Variants in NPAS3 observed in about 807,000 individuals in gnomAD.
NPAS3 encodes neuronal PAS domain-containing protein 3.
In NPAS3, 14 loss-of-function variants were observed where a neutral mutation model predicts 73.1. The ratio of observed to expected loss-of-function variants is 0.19; its 90% CI spans 0.13 to 0.30. The LOEUF (loss-of-function observed/expected upper bound fraction) is 0.30. NPAS3 is among the 10% of genes least tolerant of loss of function. The probability of loss-of-function intolerance (pLI) is 1.00; values close to 1 mark genes in which losing one functional copy is unlikely to be tolerated. For missense variants in NPAS3, 1,096 were observed against 1,250.0 expected (o/e 0.88, Z 1.86); for synonymous variants, 620 against 541.5 (o/e 1.14, Z -2.01).
At chr14:33,395,459 A>G (rs1371916762) in intron 4 of NPAS3, among the ~76,000 whole-genome samples, 1 of 152,024 alleles carries the variant, frequency 6.6e-6, no homozygotes, top group African/African-American at 2.4e-5. Context: ...CACTTGGGAT[A>G]CATTTGTTAC....
chr14:33,172,914 G>A (rs1812189090), intron 2 of NPAS3, among the ~76,000 whole-genome samples: 11 of 148,770 alleles, frequency 7.4e-5, no homozygotes, highest in Admixed American at 6.6e-4. Flanking sequence ...TTCTGAAAAA[G>A]GAGGTTATTA....
intron 5 of NPAS3, among the ~76,000 whole-genome samples, chr14:33,659,384 G>T (rs903326273): frequency 6.6e-6 from 1 of 152,174 alleles, no homozygotes; most frequent in Admixed American, 6.5e-5. Context: ...TTAGGAACAT[G>T]TAAGAGCGTT....
At chr14:33,036,036 A>C (rs2040157149) in intron 1 of NPAS3, among the ~76,000 whole-genome samples, 1 of 152,218 alleles carries the variant, frequency 6.6e-6, no homozygotes, top group South Asian at 2.1e-4. Flanking sequence ...TACAACCTAC[A>C]GCCTTTTGGT....
intron 3 of NPAS3, among the ~76,000 whole-genome samples, chr14:33,229,483 AC>A (rs1264413081): frequency 2.6e-5 from 4 of 152,156 alleles, no homozygotes; most frequent in African/African-American, 9.7e-5. Flanking sequence ...TCACGTGCTC[AC>A]CTTCCCGCCC....
chr14:33,128,261 T>C (rs2043503464), intron 2 of NPAS3, among the ~76,000 whole-genome samples: 1 of 152,224 alleles, frequency 6.6e-6, no homozygotes, highest in Admixed American at 6.6e-5. Context: ...AATTGGTTTA[T>C]GTACTTTAAA....
intron 2 of NPAS3, among the ~76,000 whole-genome samples, chr14:33,120,469 C>T (rs888074069): frequency 5.9e-5 from 9 of 152,120 alleles, no homozygotes; most frequent in African/African-American, 1.7e-4. Context: ...TGTGTCATAT[C>T]ACTTCTTAAG....
chr14:33,301,864 A>T (rs373402487), intron 3 of NPAS3, among the ~76,000 whole-genome samples: 1 of 152,142 alleles, frequency 6.6e-6, no homozygotes, highest in African/African-American at 2.4e-5. Flanking sequence ...CCATGGTGTA[A>T]TGATAGGTAC....
At chr14:33,228,796 G>T (rs1453758620) in intron 3 of NPAS3, among the ~76,000 whole-genome samples, 1 of 152,162 alleles carries the variant, frequency 6.6e-6, no homozygotes, top group Non-Finnish European at 1.5e-5. Flanking sequence ...AGCAGACAAA[G>T]TACTGTGGGA....
At chr14:33,315,161 G>A (rs1175403642) in intron 3 of NPAS3, among the ~76,000 whole-genome samples, 1 of 152,032 alleles carries the variant, frequency 6.6e-6, no homozygotes, top group Admixed American at 6.6e-5. Flanking sequence ...TAAGGAAAAT[G>A]ACATCTATGA....
chr14:33,662,145 T>C (rs1202362851), intron 5 of NPAS3, among the ~76,000 whole-genome samples: 1 of 151,834 alleles, frequency 6.6e-6, no homozygotes, highest in Non-Finnish European at 1.5e-5. Flanking sequence ...TTTGAAAGAG[T>C]CTTTCAGTTA....
intron 4 of NPAS3, among the ~76,000 whole-genome samples, chr14:33,437,845 A>G (rs2049056485): frequency 6.6e-6 from 1 of 152,208 alleles, no homozygotes; most frequent in Admixed American, 6.5e-5. Context: ...CCATGTGTTC[A>G]AGGACCAGGA....
At chr14:33,141,499 A>G (rs1171064181) in intron 2 of NPAS3, among the ~76,000 whole-genome samples, 1 of 152,252 alleles carries the variant, frequency 6.6e-6, no homozygotes, top group African/African-American at 2.4e-5. Context: ...AATTCTATGA[A>G]TCACAGTAGC....
At chr14:33,672,784 C>T (rs1241851069) in intron 5 of NPAS3, among the ~76,000 whole-genome samples, 4 of 151,882 alleles carry the variant, frequency 2.6e-5, no homozygotes, top group African/African-American at 9.7e-5. Context: ...AGCCCTGTTT[C>T]TACCACTAAA....
chr14:33,216,181 A>G (rs1445997007), intron 3 of NPAS3, among the ~76,000 whole-genome samples: 1 of 152,294 alleles, frequency 6.6e-6, no homozygotes, highest in East Asian at 1.9e-4. Flanking sequence ...TTCAAGGTGT[A>G]TGGCCTAAAT....
chr14:33,639,655 A>G (rs1169355258), intron 5 of NPAS3, among the ~76,000 whole-genome samples: 2 of 152,208 alleles, frequency 1.3e-5, no homozygotes, highest in East Asian at 1.9e-4. Flanking sequence ...CTGCCACTAC[A>G]TCTTCTCCAT....
At chr14:33,719,428 C>T (rs759883926) in intron 6 of NPAS3, among the ~76,000 whole-genome samples, 6 of 152,160 alleles carry the variant, frequency 3.9e-5, no homozygotes, top group Non-Finnish European at 8.8e-5. Flanking sequence ...GTGTTTATCA[C>T]GTGCCAAGCT....
At chr14:33,387,637 C>T (rs1050818197) in intron 4 of NPAS3, among the ~76,000 whole-genome samples, 2 of 152,030 alleles carry the variant, frequency 1.3e-5, no homozygotes, top group Non-Finnish European at 2.9e-5. Context: ...AGGAGAAGGA[C>T]AGAGCTGTGG....
At chr14:33,689,975 T>G (rs1183215591) in intron 6 of NPAS3, among the ~76,000 whole-genome samples, 2 of 152,172 alleles carry the variant, frequency 1.3e-5, no homozygotes, top group African/African-American at 4.8e-5. Flanking sequence ...GTGTTCTGGT[T>G]ATAACCCAAT....
exon 8 of NPAS3, chr14:33,774,393 C>G (rs746089574): frequency 1.2e-6 from 2 of 1,613,956 alleles, no homozygotes; most frequent in African/African-American, 1.3e-5. Context: ...ACGGGAGGAC[C>G]GTCCCCAGCC....
Sources: allele counts gnomAD v4.1 joint callset (sites outside exome capture counted in the v4.1 genomes callset), GRCh38; gene constraint gnomAD v4.1.1; transcripts MANE v1.5; gene names NCBI Gene and HGNC (gene_info 2026-07-23, HGNC 2026-07-21).